PCDH9: variants seen among roughly 807,000 people sequenced by gnomAD.
The protein encoded by PCDH9 is protocadherin 9.
In PCDH9, 24 loss-of-function variants were observed where a neutral mutation model predicts 70.6. That is an observed-to-expected ratio of 0.34 (90% CI 0.25 to 0.48). The LOEUF (loss-of-function observed/expected upper bound fraction) is 0.48. PCDH9 is among the 20% of genes least tolerant of loss of function. The pLI is 0.99. For missense variants in PCDH9, 1,281 were observed against 1,503.6 expected, an observed-to-expected ratio of 0.85 and a Z score of 2.45; for synonymous variants, 562 against 558.5, an observed-to-expected ratio of 1.01 and a Z score of -0.09.
At chr13:67,006,853 T>A (rs548984802) in intron 2 of PCDH9, among the ~76,000 whole-genome samples, 4 of 152,262 alleles carry the variant, frequency 2.6e-5, no homozygotes, top group South Asian at 4.2e-4. Context: ...TTCATTACAA[T>A]TTCATAACTT....
chr13:66,508,043 C>A (rs746082320), intron 4 of PCDH9, among the ~76,000 whole-genome samples: 1 of 152,040 alleles, frequency 6.6e-6, no homozygotes, highest in Admixed American at 6.6e-5. Context: ...TTCTTTGTGT[C>A]CTTCTGCAAA....
At chr13:67,104,063 T>C (rs981496418) in intron 2 of PCDH9, among the ~76,000 whole-genome samples, 2 of 152,172 alleles carry the variant, frequency 1.3e-5, no homozygotes, top group South Asian at 2.1e-4. Context: ...TTTTAAGCTT[T>C]GTATTCCTCT....
intron 4 of PCDH9, among the ~76,000 whole-genome samples, chr13:66,342,245 C>G (rs775879451): frequency 3.3e-5 from 5 of 152,176 alleles, no homozygotes; most frequent in Non-Finnish European, 1.5e-5. Flanking sequence ...GAAATAGCAG[C>G]TGTTGCAAAA....
chr13:66,429,022 T>C (rs1434639515), intron 4 of PCDH9, among the ~76,000 whole-genome samples: 1 of 149,630 alleles, frequency 6.7e-6, no homozygotes, highest in African/African-American at 2.5e-5. Context: ...AATTTTAGTT[T>C]CATTGTAATA....
intron 3 of PCDH9, among the ~76,000 whole-genome samples, chr13:66,745,960 A>C (rs2079356359): frequency 6.6e-6 from 1 of 152,124 alleles, no homozygotes; most frequent in Non-Finnish European, 1.5e-5. Context: ...CCACCTGTTT[A>C]AAATTTAAAT....
At chr13:66,944,666 T>C (rs780209557) in intron 2 of PCDH9, among the ~76,000 whole-genome samples, 1 of 152,164 alleles carries the variant, frequency 6.6e-6, no homozygotes, top group Non-Finnish European at 1.5e-5. Flanking sequence ...TTCTTCATGC[T>C]CTATATTTAG....
intron 3 of PCDH9, among the ~76,000 whole-genome samples, chr13:66,875,612 T>G (rs965244703): frequency 6.6e-6 from 1 of 152,214 alleles, no homozygotes; most frequent in African/African-American, 2.4e-5. Flanking sequence ...TATGTATTTT[T>G]AAATGTCAAC....
chr13:67,118,221 C>T (rs113661593), intron 2 of PCDH9, among the ~76,000 whole-genome samples: 3 of 152,104 alleles, frequency 2.0e-5, no homozygotes, highest in African/African-American at 7.2e-5. Flanking sequence ...AGAATGTTAC[C>T]TTCATTAGAG....
chr13:66,739,484 C>T (rs1288868178), intron 3 of PCDH9, among the ~76,000 whole-genome samples: 2 of 148,508 alleles, frequency 1.3e-5, no homozygotes, highest in African/African-American at 2.5e-5. Context: ...CAAATTCACA[C>T]ATAACAATAT....
At chr13:66,434,996 T>G (rs1957843063) in intron 4 of PCDH9, among the ~76,000 whole-genome samples, 1 of 152,062 alleles carries the variant, frequency 6.6e-6, no homozygotes, top group South Asian at 2.1e-4. Flanking sequence ...GAGGTCTGAC[T>G]TAAGACTGGA....
chr13:66,376,505 CTT>C (rs1956748959), intron 4 of PCDH9, among the ~76,000 whole-genome samples: 1 of 151,858 alleles, frequency 6.6e-6, no homozygotes, highest in African/African-American at 2.4e-5. Context: ...TTGACTTTGA[CTT>C]TAAAAAGTCA....
intron 4 of PCDH9, among the ~76,000 whole-genome samples, chr13:66,514,502 A>G (rs2138592237): frequency 6.6e-6 from 1 of 151,776 alleles, no homozygotes. Context: ...AAAAAAAAAA[A>G]AAGAAAGACA....
intron 2 of PCDH9, among the ~76,000 whole-genome samples, chr13:67,012,283 T>TA (rs1373250135): frequency 4.6e-5 from 7 of 151,600 alleles, no homozygotes; most frequent in Non-Finnish European, 1.0e-4. Context: ...ATAAAAATTA[T>TA]AAAATATATT....
At chr13:66,478,265 C>T (rs1206466214) in intron 4 of PCDH9, among the ~76,000 whole-genome samples, 1 of 152,148 alleles carries the variant, frequency 6.6e-6, no homozygotes, top group Non-Finnish European at 1.5e-5. Context: ...AGCCATTCCC[C>T]AGCCTTTCTT....
intron 4 of PCDH9, among the ~76,000 whole-genome samples, chr13:66,613,708 G>A (rs61172819): frequency 0.059 from 8,896 of 152,030 alleles, 466 homozygotes; most frequent in African/African-American, 0.14. Flanking sequence ...CCAGCGACTG[G>A]GTTTTCTTCT....
At chr13:66,681,525 A>G (rs1327288361) in intron 3 of PCDH9, among the ~76,000 whole-genome samples, 2 of 152,070 alleles carry the variant, frequency 1.3e-5, no homozygotes, top group African/African-American at 2.4e-5. Context: ...TGTCTGAGCT[A>G]TAATCTCCAC....
chr13:67,119,293 T>C (rs1475451078), intron 2 of PCDH9, among the ~76,000 whole-genome samples: 1 of 152,108 alleles, frequency 6.6e-6, no homozygotes, highest in East Asian at 1.9e-4. Flanking sequence ...TACATTCCTT[T>C]TCTATAAGCA....
At chr13:66,376,845 T>C (rs1385348457) in intron 4 of PCDH9, among the ~76,000 whole-genome samples, 2 of 152,130 alleles carry the variant, frequency 1.3e-5, no homozygotes, top group Non-Finnish European at 2.9e-5. Context: ...GATGGGCAAA[T>C]GGCTGTACAT....
chr13:67,186,744 G>T (rs2088769877), intron 2 of PCDH9, among the ~76,000 whole-genome samples: 1 of 152,072 alleles, frequency 6.6e-6, no homozygotes, highest in African/African-American at 2.4e-5. Context: ...AAATTAATGT[G>T]TAATTCATTA....
Sources: gnomAD v4.1 joint callset for allele counts (sites outside exome capture counted in the v4.1 genomes callset) on GRCh38, gnomAD v4.1.1 for gene constraint, MANE v1.5 for transcripts, NCBI Gene and HGNC (gene_info 2026-07-23, HGNC 2026-07-21) for gene names.